The following MICU1 variants were observed in gnomAD, a reference collection of about 807,000 sequenced individuals.
MICU1 encodes the protein calcium uptake protein 1, mitochondrial.
In MICU1, 45 loss-of-function variants were observed where a neutral mutation model predicts 56.8. The ratio of observed to expected loss-of-function variants is 0.79; its 90% CI spans 0.62 to 1.02. The LOEUF is 1.02. Among genes scored for constraint, MICU1 ranks in the 50% least tolerant of loss-of-function variants. The pLI, the probability that MICU1 is intolerant of heterozygous loss-of-function variation, is 0.00. For synonymous variants in MICU1, 186 were observed against 195.1 expected (o/e 0.95, Z 0.39); for missense variants, 504 against 587.1 (o/e 0.86, Z 1.46).
intron 6 of MICU1, among the ~76,000 whole-genome samples, chr10:72,500,451 A>T (rs993953810): frequency 6.7e-6 from 1 of 150,316 alleles, no homozygotes; most frequent in African/African-American, 2.4e-5. Flanking sequence ...GCTCCCTAAT[A>T]GCTGGGATTA....
intron 5 of MICU1, among the ~76,000 whole-genome samples, chr10:72,519,714 G>C (rs1867760195): frequency 6.6e-6 from 1 of 152,122 alleles, no homozygotes; most frequent in South Asian, 2.1e-4. Context: ...GATCAAAATA[G>C]GGTTGGTAAT....
intron 8 of MICU1, among the ~76,000 whole-genome samples, chr10:72,465,309 G>GT (rs58604429): frequency 0.48 from 58,727 of 121,874 alleles, 16,432 homozygotes; most frequent in Non-Finnish European, 0.67. Flanking sequence ...ATAGTTTTTT[G>GT]TTTTTTTTTT....
At chr10:72,527,524 G>C (rs1387002498) in intron 5 of MICU1, among the ~76,000 whole-genome samples, 1 of 151,958 alleles carries the variant, frequency 6.6e-6, no homozygotes, top group Non-Finnish European at 1.5e-5. Context: ...CACCACACCT[G>C]GCAACCTTTT....
In MICU1 at chr10:72,374,782, A is replaced by G. The variant is rs977675113; in HGVS notation, c.1270+1001T>C. 6.1e-5 allele frequency among the ~76,000 whole-genome samples: 9 copies of G among 147,330 alleles called. No individual in the cohort carries two copies. In the South Asian group the frequency reaches 1.3e-3, roughly 22 times the overall value. On this transcript the variant is annotated intron_variant, in intron 11 of 11. Coordinates refer to ENST00000361114, the MANE Select transcript of MICU1 (RefSeq NM_001195518.2). ...AGGGGGCAGTACAGTTTTAGTTCAA[A>G]TCCTGGTTTTGCCATCTACTATTAT...
chr10:72,397,251 C>G (rs1385177038), intron 10 of MICU1, among the ~76,000 whole-genome samples: 3 of 152,278 alleles, frequency 2.0e-5, no homozygotes, highest in African/African-American at 7.2e-5. Flanking sequence ...TTGTCACCAC[C>G]AAGCCTGCCT....
At position 72,437,256 on chromosome 10, in the gene MICU1, GAA is replaced by G. The variant is rs561773253; in HGVS notation, c.934-13887_934-13886del. On this transcript the variant is annotated intron_variant, in intron 8 of 11. Coordinates refer to ENST00000361114, the MANE Select transcript of MICU1 (RefSeq NM_001195518.2). ...GGGGCCAATATTCAACATTCTTAAA[GAA>G]AAGAATTTAACCCAGAATTTCATAT... is the stretch of plus-strand genomic sequence containing the variant. Among the ~76,000 whole-genome samples, 174 of 152,286 alleles carry G rather than the reference GAA, an allele frequency of 1.1e-3. 4 individuals carry two copies. The highest frequency in any genetic ancestry group is 3.5e-3 in the African/African-American group (146 of 41,562).
intron 11 of MICU1, among the ~76,000 whole-genome samples, chr10:72,372,049 C>G (rs1862361587): frequency 6.8e-6 from 1 of 147,602 alleles, no homozygotes; most frequent in Non-Finnish European, 1.5e-5. Context: ...GAGCAAGATG[C>G]TGTCTCGAAA....
chr10:72,374,020 C>T (rs59350669), intron 11 of MICU1, among the ~76,000 whole-genome samples: 6,774 of 152,298 alleles, frequency 0.044, 362 homozygotes, highest in African/African-American at 0.13. Flanking sequence ...AGAATAAACC[C>T]ACCCCTACCT....
chr10:72,439,422 T>A (rs1371769120), intron 8 of MICU1, among the ~76,000 whole-genome samples: 2 of 152,192 alleles, frequency 1.3e-5, no homozygotes, highest in Admixed American at 1.3e-4. Context: ...GAGCTATTTA[T>A]GACAAACCCA....
At chr10:72,594,925 C>CAAAAAA (rs57504317) in intron 1 of MICU1, among the ~76,000 whole-genome samples, 3 of 50,744 alleles carry the variant, frequency 5.9e-5, no homozygotes, top group African/African-American at 2.3e-4. Flanking sequence ...AAGTACAATC[C>CAAAAAA]AAAAAAAAAA....
intron 5 of MICU1, among the ~76,000 whole-genome samples, chr10:72,525,855 G>A (rs924813315): frequency 6.6e-6 from 1 of 152,082 alleles, no homozygotes; most frequent in Non-Finnish European, 1.5e-5. Flanking sequence ...AGTTATGTGG[G>A]AGAGCCTATA....
rs571245419 is a variant in MICU1, at chr10:72,397,832, C to T, written c.1180+10097G>A. ...GACCTGGACTCCCACACAATAATAA[C>T]GGGAGACTTTAACACCCCACTGTCA... On this transcript the variant is annotated intron_variant, in intron 10 of 11. Coordinates refer to ENST00000361114, the MANE Select transcript of MICU1 (RefSeq NM_001195518.2). 5.9e-5 allele frequency among the ~76,000 whole-genome samples: 9 copies of T among 152,202 alleles called. No individual in the cohort carries two copies. In the Middle Eastern group the frequency reaches 0.01, roughly 173 times the overall value.
intron 1 of MICU1, among the ~76,000 whole-genome samples, chr10:72,580,773 G>A (rs944427184): frequency 6.6e-6 from 1 of 152,114 alleles, no homozygotes; most frequent in African/African-American, 2.4e-5. Context: ...CACTGTGCCC[G>A]GCCAAGCTTT....
At chr10:72,399,204 T>C (rs1315375314) in intron 10 of MICU1, among the ~76,000 whole-genome samples, 1 of 150,932 alleles carries the variant, frequency 6.6e-6, no homozygotes, top group East Asian at 1.9e-4. Context: ...GAGCAAACTA[T>C]CACAAGGACA....
At chr10:72,532,126 G>C (rs971026886) in intron 5 of MICU1, among the ~76,000 whole-genome samples, 1 of 151,884 alleles carries the variant, frequency 6.6e-6, no homozygotes, top group Non-Finnish European at 1.5e-5. Context: ...GACCATCCTG[G>C]CTAACACAGT....
At chr10:72,386,772 G>C (rs909229961) in intron 10 of MICU1, among the ~76,000 whole-genome samples, 5 of 151,606 alleles carry the variant, frequency 3.3e-5, no homozygotes, top group Non-Finnish European at 5.9e-5. Context: ...GTGTTGCCTA[G>C]GTTGGTCTGG....
intron 1 of MICU1, among the ~76,000 whole-genome samples, chr10:72,584,023 AGTATAAAAT>A (rs1169677653): frequency 6.6e-6 from 1 of 152,250 alleles, no homozygotes; most frequent in Non-Finnish European, 1.5e-5. Flanking sequence ...AAGTCTCTAC[AGTATAAAAT>A]GATAATTGTA....
intron 1 of MICU1, among the ~76,000 whole-genome samples, chr10:72,602,821 T>C (rs1841575676): frequency 6.6e-6 from 1 of 152,110 alleles, no homozygotes. Flanking sequence ...AGAATGCCAC[T>C]TTGCAGCCAG....
chr10:72,374,935 C>T (rs760356835), intron 11 of MICU1, among the ~76,000 whole-genome samples: 3 of 149,788 alleles, frequency 2.0e-5, no homozygotes, highest in African/African-American at 4.9e-5. Flanking sequence ...CTCAGCCTCT[C>T]GAGTAGCTGG....
Sources: allele counts gnomAD v4.1 joint callset (sites outside exome capture counted in the v4.1 genomes callset), GRCh38; gene constraint gnomAD v4.1.1; transcripts MANE v1.5; gene names NCBI Gene and HGNC (gene_info 2026-07-23, HGNC 2026-07-21).